Variants in ZNF136 observed in about 807,000 individuals in gnomAD.
The protein encoded by ZNF136 is zinc finger protein 136 (clone pHZ-20).
In ZNF136, 8 loss-of-function variants were observed where a neutral mutation model predicts 11.4. The ratio of observed to expected loss-of-function variants is 0.70; its 90% CI spans 0.41 to 1.27. The LOEUF is 1.27. Among genes scored for constraint, ZNF136 ranks in the 50% most tolerant of loss-of-function variants. ZNF136 has a pLI of 0.01. For missense variants in ZNF136, 590 were observed against 656.5 expected (o/e 0.90, Z 1.11); for synonymous variants, 190 against 207.1 (o/e 0.92, Z 0.71).
At chr19:12,183,548 A>AATCAATCT (rs893503730) in intron 1 of ZNF136, among the ~76,000 whole-genome samples, 5 of 145,530 alleles carry the variant, frequency 3.4e-5, no homozygotes, top group African/African-American at 5.1e-5. Context: ...CACATAACTG[A>AATCAATCT]ATCTATCTAT....
chr19:12,185,486 T>G (rs1915056651), intron 1 of ZNF136: 2 of 239,408 alleles, frequency 8.4e-6, no homozygotes, highest in Non-Finnish European at 1.6e-5. Flanking sequence ...GTGGTAGGAC[T>G]TCGTTATGAC....
At chr19:12,168,045 TCTTTTC>T (rs1914525279) in intron 1 of ZNF136, among the ~76,000 whole-genome samples, 1 of 148,670 alleles carries the variant, frequency 6.7e-6, no homozygotes, top group Non-Finnish European at 1.5e-5. Context: ...CATTTTTTTT[TCTTTTC>T]TTTTTCTTTT....
intron 1 of ZNF136, among the ~76,000 whole-genome samples, chr19:12,174,262 G>C (rs1342429418): frequency 1.3e-5 from 2 of 152,162 alleles, no homozygotes; most frequent in African/African-American, 4.8e-5. Context: ...GAAGCCTTTT[G>C]TGTTGATAGT....
intron 1 of ZNF136, among the ~76,000 whole-genome samples, chr19:12,183,357 A>G (rs1440332969): frequency 6.6e-6 from 1 of 151,792 alleles, no homozygotes; most frequent in Non-Finnish European, 1.5e-5. Context: ...GCTGGTCTCA[A>G]TCTCCTGAGC....
intron 1 of ZNF136, among the ~76,000 whole-genome samples, chr19:12,178,419 T>TA (rs1360394569): frequency 1.3e-5 from 2 of 152,212 alleles, no homozygotes; most frequent in Non-Finnish European, 2.9e-5. Context: ...ACCTTCCTCA[T>TA]ATCAGGAAGA....
intron 1 of ZNF136, among the ~76,000 whole-genome samples, chr19:12,169,609 A>AT (rs5827144): frequency 3.8e-5 from 5 of 132,000 alleles, no homozygotes; most frequent in Admixed American, 7.8e-5. Flanking sequence ...CTGATTCTGA[A>AT]TTTTTTTTTT....
chr19:12,172,905 G>A (rs567600117), intron 1 of ZNF136, among the ~76,000 whole-genome samples: 6 of 152,238 alleles, frequency 3.9e-5, no homozygotes, highest in East Asian at 1.9e-4. Flanking sequence ...CCTGCTACTC[G>A]GGAGGCTGAG....
chr19:12,170,038 C>T (rs1012093027), intron 1 of ZNF136, among the ~76,000 whole-genome samples: 3 of 149,560 alleles, frequency 2.0e-5, no homozygotes, highest in African/African-American at 7.3e-5. Context: ...TCGTGATCTG[C>T]CCACCTTGGC....
chr19:12,187,800 A>G lies in ZNF136; in HGVS notation c.1422A>G (p.Lys474=). The G allele has an allele frequency of 1.2e-6, 2 of 1,608,190 alleles. No homozygotes were observed. The highest frequency in any genetic ancestry group is 1.7e-6 in the Non-Finnish European group (2 of 1,178,066). ...ATGAAATGATTCACACTGGTGAGAA[A>G]CCCTTTGAATGTAAGCGATGTGGTA... The part of the protein sequence containing the change: ...RTHEMIHTGE[K]PFECKRCGKA... Residue 474 remains lysine, a synonymous_variant, in exon 4 of 4, where the codon AAA becomes AAG. Transcript: ENST00000343979.
chr19:12,187,380 AC>A lies in ZNF136; in HGVS notation c.1005del (p.Phe336SerfsTer48). 2 of 1,614,096 alleles carry A rather than the reference AC, an allele frequency of 1.2e-6. No individual in the cohort carries two copies. The highest frequency in any genetic ancestry group is 1.7e-6 in the Non-Finnish European group (2 of 1,180,002). ...LHERIHTGEK[P>X]FVCKQCGKAF... ...ATGAAAGAATTCACACTGGTGAGAAACCCTTCGTATGTAAACAATGTGGTAA... is the reference window on the plus strand; with the variant it reads ...ATGAAAGAATTCACACTGGTGAGAAACCTTCGTATGTAAACAATGTGGTAA... On this transcript the variant is annotated frameshift_variant, in exon 4 of 4. Transcript: ENST00000343979. LOFTEE classifies it low-confidence loss of function (END_TRUNC).
chr19:12,185,708 T>G, intron 1 of ZNF136, 77 bp from the exon 2 acceptor site: 2 of 1,540,938 alleles, frequency 1.3e-6, no homozygotes, highest in Non-Finnish European at 1.7e-6. Flanking sequence ...ACATGTGAAC[T>G]TCTTATGAAT....
At position 12,185,778 on chromosome 19, in the gene ZNF136, G is replaced by A; in HGVS notation, c.4-7G>A. 6.2e-7 allele frequency: 1 copy of A among 1,612,344 alleles called. No homozygotes were observed. The highest frequency in any genetic ancestry group is 8.5e-7 in the Non-Finnish European group (1 of 1,179,548). On this transcript the variant is annotated splice_polypyrimidine_tract_variant and splice_region_variant and intron_variant, in intron 1 of 3. Coordinates refer to ENST00000343979, the MANE Select transcript of ZNF136 (RefSeq NM_003437.5). ...ATTCTCCTCTCCACATATGTGGGAT[G>A]TTTCAGGACTCGGTGGCTTTTGAGG...
intron 1 of ZNF136, among the ~76,000 whole-genome samples, chr19:12,167,860 T>A (rs895582449): frequency 6.6e-6 from 1 of 152,168 alleles, no homozygotes; most frequent in Non-Finnish European, 1.5e-5. Flanking sequence ...GCTAATAATG[T>A]TGAGTTTTAC....
chr19:12,171,907 G>A (rs771148789), intron 1 of ZNF136, among the ~76,000 whole-genome samples: 109 of 149,684 alleles, frequency 7.3e-4, no homozygotes, highest in Non-Finnish European at 1.3e-3. Context: ...TGTCAAGTTG[G>A]AAAAAAAATT....
At chr19:12,183,219 A>T (rs1431735278) in intron 1 of ZNF136, among the ~76,000 whole-genome samples, 1 of 151,822 alleles carries the variant, frequency 6.6e-6, no homozygotes, top group African/African-American at 2.4e-5. Context: ...ATCACGTCTC[A>T]CTGCAACCTC....
chr19:12,171,683 C>CTT (rs56256457), intron 1 of ZNF136, among the ~76,000 whole-genome samples: 54,676 of 151,406 alleles, frequency 0.36, 13,394 homozygotes, highest in African/African-American at 0.7. Context: ...TTGATGGACT[C>CTT]TTAAATTTTT....
intron 1 of ZNF136, among the ~76,000 whole-genome samples, chr19:12,168,062 T>C (rs1168500637): frequency 3.8e-5 from 4 of 103,928 alleles, no homozygotes; most frequent in South Asian, 3.6e-4. Flanking sequence ...TTTTTCTTTT[T>C]TTTTTTTTTT....
At position 12,187,526 on chromosome 19, in the gene ZNF136, T is replaced by G. The variant is rs746521005; in HGVS notation, c.1148T>G (p.Met383Arg). The change falls in exon 4 of 4, where the codon ATG (methionine) becomes AGG (arginine). Residue 383 changes from methionine to arginine, a missense_variant. Coordinates refer to ENST00000343979, the MANE Select transcript of ZNF136 (RefSeq NM_003437.5). ...TGTATCCCAAGTATGCGAAGACACA[T>G]GATAAAACATACTGGAGAAGGACCT... ...FSCIPSMRRH[M>R]IKHTGEGPYK... 11 of 1,613,332 alleles carry G rather than the reference T, an allele frequency of 6.8e-6. No homozygotes were observed. The East Asian group carries it at 2.2e-4, about 33-fold the overall frequency.
chr19:12,183,306 GC>G (rs1175381220), intron 1 of ZNF136, among the ~76,000 whole-genome samples: 1 of 151,914 alleles, frequency 6.6e-6, no homozygotes, highest in Non-Finnish European at 1.5e-5. Context: ...TACACGACTG[GC>G]TAATTTTTTG....
Sources: gnomAD v4.1 joint callset for allele counts (sites outside exome capture counted in the v4.1 genomes callset) on GRCh38, gnomAD v4.1.1 for gene constraint, MANE v1.5 for transcripts, NCBI Gene and HGNC (gene_info 2026-07-23, HGNC 2026-07-21) for gene names.